Variants in VPS53 observed in about 807,000 individuals in gnomAD.
The protein encoded by VPS53 is vacuolar protein sorting-associated protein 53 homolog.
VPS53 carries 70 observed loss-of-function variants against 107.0 expected under a neutral mutation model. That is an observed-to-expected ratio of 0.65 (90% CI 0.54 to 0.80). The LOEUF (loss-of-function observed/expected upper bound fraction) is 0.80. VPS53 is among the 30% of genes least tolerant of loss of function. The probability of loss-of-function intolerance (pLI) is 0.00; values close to 1 mark genes in which losing one functional copy is unlikely to be tolerated. For synonymous variants in VPS53, 409 were observed against 393.3 expected, an observed-to-expected ratio of 1.04 and a Z score of -0.47; for missense variants, 917 against 1,049.4, an observed-to-expected ratio of 0.87 and a Z score of 1.74.
chr17:635,933 G>C (rs925146529), intron 7 of VPS53, among the ~76,000 whole-genome samples: 11 of 152,334 alleles, frequency 7.2e-5, no homozygotes, highest in African/African-American at 1.7e-4. Context: ...ATTCTGTGAA[G>C]AAAGTCATTG....
intron 6 of VPS53, among the ~76,000 whole-genome samples, chr17:654,474 C>T (rs1209591230): frequency 6.6e-6 from 1 of 151,934 alleles, no homozygotes; most frequent in Non-Finnish European, 1.5e-5. Context: ...CGCGGTGGCT[C>T]AAGCCTGTAA....
rs73977005 is a variant in VPS53 at position 671,512 on chromosome 17, G to A, written c.286-9617C>T. The stretch of plus-strand genomic sequence containing the variant: ...CAAGCCTCTTATCCTCTAGGAAGTA[G>A]TTTCATAATTTCCAGAATGCAAATT... On this transcript the variant is annotated intron_variant, in intron 4 of 21. Transcript: ENST00000437048. Among the ~76,000 whole-genome samples, 400 of 152,234 alleles carry A rather than the reference G, an allele frequency of 2.6e-3. 3 individuals carry two copies. Among genetic ancestry groups the A allele is most frequent in the African/African-American group, 9.3e-3 (387 of 41,528 alleles).
At chr17:659,301 T>G (rs898130341) in intron 5 of VPS53, among the ~76,000 whole-genome samples, 11 of 152,168 alleles carry the variant, frequency 7.2e-5, no homozygotes, top group Non-Finnish European at 1.6e-4. Context: ...TTTTATTTTT[T>G]GAGATAGAGT....
At chr17:536,900 G>A (rs541284236) in intron 18 of VPS53, 128 bp downstream of exon 18, 49 of 1,197,898 alleles carry the variant, frequency 4.1e-5, no homozygotes, top group Middle Eastern at 4.0e-4. Context: ...GTGCATGTTG[G>A]GGGGGTCAGG....
intron 11 of VPS53, among the ~76,000 whole-genome samples, chr17:613,895 G>C (rs1969017151): frequency 6.6e-6 from 1 of 152,252 alleles, no homozygotes; most frequent in East Asian, 1.9e-4. Context: ...GCTGATGGAA[G>C]AGACAACAAT....
chr17:702,457 T>C (rs1255714457), intron 2 of VPS53, among the ~76,000 whole-genome samples: 1 of 151,292 alleles, frequency 6.6e-6, no homozygotes, highest in Non-Finnish European at 1.5e-5. Context: ...AGGTCAGGAG[T>C]TCGAGACCAG....
chr17:557,730 C>T (rs1326307573), intron 15 of VPS53, among the ~76,000 whole-genome samples: 1 of 151,970 alleles, frequency 6.6e-6, no homozygotes, highest in Non-Finnish European at 1.5e-5. Context: ...TAATTGGCCA[C>T]TTGTATCATC....
intron 15 of VPS53, among the ~76,000 whole-genome samples, chr17:554,048 A>G (rs1256491961): frequency 1.3e-5 from 2 of 152,196 alleles, no homozygotes; most frequent in African/African-American, 4.8e-5. Context: ...AATAATTCAC[A>G]TCAACTCATT....
rs1438497157 is a variant in VPS53, at chr17:598,699, G to A, written c.1218+3096C>T. On this transcript the variant is annotated intron_variant, in intron 12 of 21. Transcript: ENST00000437048. Reference sequence around the variant, plus strand: ...GCATTTCTGCCCGGCCGCCCCGTCTGAGAAGTGAGGAGACCCTCTGCCCGG... The same window carrying A: ...GCATTTCTGCCCGGCCGCCCCGTCTAAGAAGTGAGGAGACCCTCTGCCCGG... Among the ~76,000 whole-genome samples the A allele has an allele frequency of 4.2e-5, 5 of 117,850 alleles. 1 individual carries two copies. Among genetic ancestry groups the A allele is most frequent in the Non-Finnish European group, 9.6e-5 (5 of 52,032 alleles). The allele number at this position is 117,850 out of a possible 152,430, so 77.3% of individuals were successfully genotyped here.
intron 7 of VPS53, among the ~76,000 whole-genome samples, chr17:642,922 C>G (rs1239938395): frequency 8.8e-6 from 1 of 113,496 alleles, no homozygotes; most frequent in African/African-American, 3.1e-5. Flanking sequence ...TACTTGGCAA[C>G]CGAGGACAAC....
At chr17:702,680 T>TAAAAG (rs146410545) in intron 2 of VPS53, among the ~76,000 whole-genome samples, 5,491 of 152,038 alleles carry the variant, frequency 0.036, 128 homozygotes, top group East Asian at 0.069. Flanking sequence ...AATAAATAAA[T>TAAAAG]AGAAGAGAAA....
In VPS53 at chr17:636,480, T is replaced by C. The variant is rs575969462; in HGVS notation, c.609-4852A>G. Among the ~76,000 whole-genome samples the C allele has an allele frequency of 2.6e-5, 4 of 152,364 alleles. No individual in the cohort carries two copies. The South Asian group carries it at 8.3e-4, about 32-fold the overall frequency. ...TGAATAGGAATGGTGAAAGAGGGCATCCCTGTCTTGTGCCAGTTTTCAAAG... is the reference window on the plus strand; with the variant it reads ...TGAATAGGAATGGTGAAAGAGGGCACCCCTGTCTTGTGCCAGTTTTCAAAG... On this transcript the variant is annotated intron_variant, in intron 7 of 21. Transcript: ENST00000437048.
chr17:536,040 T>G lies in VPS53; in HGVS notation c.2015+988A>C, dbSNP rs183917978. The stretch of plus-strand genomic sequence containing the variant: ...TCTGCCAAAATGCTTGCTTGATAAC[T>G]GGTCAGAGGAGACACTGACCCTCAC... On this transcript the variant is annotated intron_variant, in intron 18 of 21. Transcript: ENST00000437048. 3.1e-3 allele frequency among the ~76,000 whole-genome samples: 477 copies of G among 152,302 alleles called. 5 individuals carry two copies. Among genetic ancestry groups the G allele is most frequent in the African/African-American group, 6.3e-3 (262 of 41,566 alleles).
At chr17:662,809 AAAAG>A (rs1193233305) in intron 4 of VPS53, among the ~76,000 whole-genome samples, 41 of 145,184 alleles carry the variant, frequency 2.8e-4, no homozygotes, top group Middle Eastern at 3.6e-3. Context: ...AAGAAAGAAA[AAAAG>A]AAAGAAAGAG....
chr17:662,891 A>AGGC (rs1971531022), intron 4 of VPS53, among the ~76,000 whole-genome samples: 39 of 137,654 alleles, frequency 2.8e-4, no homozygotes, highest in African/African-American at 9.8e-4. Flanking sequence ...GGAAGGAAGG[A>AGGC]AGGCAGGCAG....
At position 658,399 on chromosome 17, in the gene VPS53, C is replaced by T. The variant is rs550612096; in HGVS notation, c.373-2446G>A. On this transcript the variant is annotated intron_variant, in intron 5 of 21. Transcript: ENST00000437048. ...GCCGTGAGTTCGTGGATAGATACATCCCACTGAAGTGAGAAACTCGGCCGT... is the reference window on the plus strand; with the variant it reads ...GCCGTGAGTTCGTGGATAGATACATTCCACTGAAGTGAGAAACTCGGCCGT... Among the ~76,000 whole-genome samples the T allele has an allele frequency of 1.1e-3, 162 of 144,568 alleles. 1 individual carries two copies. Among genetic ancestry groups the T allele is most frequent in the Admixed American group, 7.7e-3 (110 of 14,268 alleles). The allele number at this position is 144,568 out of a possible 152,430, so 94.8% of individuals were successfully genotyped here.
chr17:685,955 G>C (rs1359422045), intron 4 of VPS53, among the ~76,000 whole-genome samples: 1 of 151,734 alleles, frequency 6.6e-6, no homozygotes, highest in Non-Finnish European at 1.5e-5. Flanking sequence ...GAGACAGTGA[G>C]CTATGCACGC....
At chr17:711,705 C>A (rs1443813724) in intron 1 of VPS53, among the ~76,000 whole-genome samples, 1 of 151,858 alleles carries the variant, frequency 6.6e-6, no homozygotes, top group Non-Finnish European at 1.5e-5. Context: ...TTTCATGTAA[C>A]AAGGCTCCTA....
At chr17:673,589 C>G (rs1272767888) in intron 4 of VPS53, 1 of 152,236 alleles carries the variant, frequency 6.6e-6, no homozygotes, top group Non-Finnish European at 1.5e-5. Flanking sequence ...TGCTTCCCTA[C>G]GTGTCCGAGA....
Sources: allele counts gnomAD v4.1 joint callset (sites outside exome capture counted in the v4.1 genomes callset), GRCh38; gene constraint gnomAD v4.1.1; transcripts MANE v1.5; gene names NCBI Gene and HGNC (gene_info 2026-07-23, HGNC 2026-07-21).